The following SAMSN1 variants were observed in gnomAD, a reference collection of about 807,000 sequenced individuals.
SAMSN1 encodes the protein SAM domain-containing protein SAMSN-1.
SAMSN1 carries 31 observed loss-of-function variants against 42.0 expected under a neutral mutation model. The ratio of observed to expected loss-of-function variants is 0.74; its 90% CI spans 0.55 to 1.00. The LOEUF (loss-of-function observed/expected upper bound fraction) is 1.00, where lower values mean the gene tolerates loss of function less well. Among genes scored for constraint, SAMSN1 ranks in the 50% least tolerant of loss-of-function variants. The pLI is 0.00. For missense variants in SAMSN1, 464 were observed against 439.4 expected (o/e 1.06, Z -0.50); for synonymous variants, 178 against 151.9 (o/e 1.17, Z -1.26).
chr21:14,547,422 T>C (rs1287506027), upstream of SAMSN1, among the ~76,000 whole-genome samples: 1 of 152,166 alleles, frequency 6.6e-6, no homozygotes, highest in African/African-American at 2.4e-5. Flanking sequence ...ATGTTTATGA[T>C]AATGAAAAAA....
At chr21:14,570,876 A>G (rs1479718598) in intron 2 of SAMSN1, among the ~76,000 whole-genome samples, 1 of 152,170 alleles carries the variant, frequency 6.6e-6, no homozygotes, top group South Asian at 2.1e-4. Context: ...TAGCTTCCTC[A>G]TTGCTTTTAG....
At chr21:14,495,954 G>A (rs1239731285) in intron 7 of SAMSN1, 2 of 151,466 alleles carry the variant, frequency 1.3e-5, no homozygotes, top group East Asian at 1.9e-4. Context: ...ATGAATAATT[G>A]TTCTTTTGCT....
intron 1 of SAMSN1, among the ~76,000 whole-genome samples, chr21:14,543,786 A>C (rs1250617369): frequency 3.9e-5 from 6 of 152,306 alleles, no homozygotes; most frequent in Middle Eastern, 6.8e-3. Context: ...AAACCACAAA[A>C]ACAAGAAAAT....
upstream of SAMSN1, among the ~76,000 whole-genome samples, chr21:14,584,189 G>A (rs1276547673): frequency 6.6e-6 from 1 of 152,114 alleles, no homozygotes; most frequent in Non-Finnish European, 1.5e-5. Flanking sequence ...AAGTCTACCT[G>A]CTAATATTAG....
chr21:14,518,738 C>A (rs953095925), intron 2 of SAMSN1, among the ~76,000 whole-genome samples: 2 of 152,144 alleles, frequency 1.3e-5, no homozygotes, highest in African/African-American at 4.8e-5. Context: ...CCAATTTAAA[C>A]CCTCATTGCA....
intron 3 of SAMSN1, chr21:14,615,854 T>C (rs1034566544): frequency 3.0e-6 from 1 of 335,766 alleles, no homozygotes; most frequent in Non-Finnish European, 5.2e-6. Context: ...GATTTGTACA[T>C]GACAGCTGCA....
upstream of SAMSN1, among the ~76,000 whole-genome samples, chr21:14,587,390 A>G (rs1198071871): frequency 1.3e-5 from 2 of 152,146 alleles, no homozygotes; most frequent in African/African-American, 4.8e-5. Flanking sequence ...ATATTCAGCA[A>G]TGTTGACCAC....
chr21:14,525,963 G>A (rs7277734), intron 1 of SAMSN1, among the ~76,000 whole-genome samples: 40,144 of 151,908 alleles, frequency 0.26, 5,748 homozygotes, highest in Admixed American at 0.41. Flanking sequence ...CTCCTGGATT[G>A]AAGCGATTCT....
chr21:14,533,504 G>C (rs995110473), intron 1 of SAMSN1, among the ~76,000 whole-genome samples: 5 of 152,140 alleles, frequency 3.3e-5, no homozygotes, highest in African/African-American at 1.2e-4. Context: ...TAGCAACTTA[G>C]CTCAATCCTT....
At chr21:14,571,101 C>A (rs543906587) in intron 2 of SAMSN1, among the ~76,000 whole-genome samples, 19 of 152,282 alleles carry the variant, frequency 1.2e-4, no homozygotes, top group Admixed American at 9.8e-4. Flanking sequence ...CTATTATTGG[C>A]CTTCACAGAA....
At chr21:14,610,778 T>A (rs933972028) in intron 4 of SAMSN1, among the ~76,000 whole-genome samples, 10 of 152,242 alleles carry the variant, frequency 6.6e-5, no homozygotes, top group African/African-American at 2.4e-4. Context: ...TAGTCCTTCA[T>A]GGACAACAAC....
chr21:14,595,898 G>A (rs1386687807), intron 6 of SAMSN1, among the ~76,000 whole-genome samples: 1 of 152,114 alleles, frequency 6.6e-6, no homozygotes, highest in East Asian at 1.9e-4. Context: ...GCATTTACTA[G>A]CCATTTTCTG....
chr21:14,652,598 TA>T (rs1983853496), intron 1 of SAMSN1, among the ~76,000 whole-genome samples: 1 of 151,996 alleles, frequency 6.6e-6, no homozygotes, highest in African/African-American at 2.4e-5. Context: ...AAGAAAACAT[TA>T]GGGAAAATCT....
intron 1 of SAMSN1, among the ~76,000 whole-genome samples, chr21:14,540,004 C>A (rs1220492107): frequency 1.3e-5 from 2 of 152,184 alleles, no homozygotes; most frequent in Non-Finnish European, 2.9e-5. Context: ...CTACAACTAT[C>A]TGATCTTTGA....
At chr21:14,604,397 T>C (rs1484135631) in intron 5 of SAMSN1, among the ~76,000 whole-genome samples, 6 of 152,062 alleles carry the variant, frequency 3.9e-5, no homozygotes, top group Admixed American at 2.6e-4. Flanking sequence ...AAGTAATATT[T>C]TGTGACTTCC....
At chr21:14,539,579 C>T (rs1266512952) in intron 1 of SAMSN1, among the ~76,000 whole-genome samples, 4 of 151,744 alleles carry the variant, frequency 2.6e-5, no homozygotes, top group Non-Finnish European at 4.4e-5. Flanking sequence ...AGGAATCCAA[C>T]TTACAAGGGA....
Position 14,579,659 on chromosome 21 carries a change from TTTTTTG to T in SAMSN1, c.261+2471_261+2476del, listed in dbSNP as rs1164588499. On this transcript the variant is annotated intron_variant, in intron 2 of 8. Transcript: ENST00000285670. ...ATGCTCACTTTTTTTTTTTTTTTTT[TTTTTTG>T]GAGGCAGGGTCTCACTTTGTTTCCC... is the stretch of plus-strand genomic sequence containing the variant. Among the ~76,000 whole-genome samples the T allele has an allele frequency of 5.0e-3, 642 of 127,960 alleles. 4 individuals carry two copies. Among genetic ancestry groups the T allele is most frequent in the African/African-American group, 0.018 (590 of 33,588 alleles). The allele number at this position is 127,960 out of a possible 152,430, so 83.9% of individuals were successfully genotyped here. A position where few individuals can be genotyped will look rare whatever the true frequency, so the allele number is the denominator to read the frequency against.
At chr21:14,530,576 A>AT (rs1276210661) in intron 1 of SAMSN1, among the ~76,000 whole-genome samples, 1 of 152,118 alleles carries the variant, frequency 6.6e-6, no homozygotes, top group African/African-American at 2.4e-5. Context: ...TTTCACTGGG[A>AT]TTTTTCATTG....
chr21:14,652,951 T>C (rs915846883), intron 1 of SAMSN1, among the ~76,000 whole-genome samples: 1 of 152,050 alleles, frequency 6.6e-6, no homozygotes, highest in African/African-American at 2.4e-5. Context: ...ACGTCATTTA[T>C]CATCAGAGAA....
Sources: allele counts gnomAD v4.1 joint callset (sites outside exome capture counted in the v4.1 genomes callset), GRCh38; gene constraint gnomAD v4.1.1; transcripts MANE v1.5; gene names NCBI Gene and HGNC (gene_info 2026-07-23, HGNC 2026-07-21).